Variants in PPP2R5E observed in about 807,000 individuals in gnomAD.
The protein encoded by PPP2R5E is serine/threonine-protein phosphatase 2A 56 kDa regulatory subunit epsilon isoform.
In PPP2R5E, 4 loss-of-function variants were observed where a neutral mutation model predicts 65.3. That is an observed-to-expected ratio of 0.06 (90% CI 0.03 to 0.14). The LOEUF is 0.14. PPP2R5E is among the 10% of genes least tolerant of loss of function. The pLI, the probability that PPP2R5E is intolerant of heterozygous loss-of-function variation, is 1.00. For synonymous variants in PPP2R5E, 183 were observed against 187.4 expected (o/e 0.98, Z 0.19); for missense variants, 274 against 556.1 (o/e 0.49, Z 5.10).
intron 3 of PPP2R5E, among the ~76,000 whole-genome samples, chr14:63,431,181 T>G (rs1007348068): frequency 6.6e-6 from 1 of 151,922 alleles, no homozygotes; most frequent in African/African-American, 2.4e-5. Flanking sequence ...GGCAGGAGAA[T>G]TGCTTGAACC....
chr14:63,382,915 T>TTATATA (rs59385089), intron 12 of PPP2R5E, among the ~76,000 whole-genome samples: 22 of 151,950 alleles, frequency 1.4e-4, no homozygotes, highest in East Asian at 1.4e-3. Flanking sequence ...GAAACAAATG[T>TTATATA]TATATATATA....
intron 2 of PPP2R5E, among the ~76,000 whole-genome samples, chr14:63,473,601 T>C (rs577481579): frequency 4.6e-5 from 7 of 152,322 alleles, no homozygotes; most frequent in African/African-American, 1.7e-4. Flanking sequence ...TAAATGCTAA[T>C]GAAACAACCA....
intron 3 of PPP2R5E, among the ~76,000 whole-genome samples, chr14:63,432,904 A>G (rs893734783): frequency 6.6e-6 from 1 of 152,096 alleles, no homozygotes; most frequent in African/African-American, 2.4e-5. Context: ...CCTTTCATAT[A>G]AAGTTCTAAA....
chr14:63,502,282 G>T (rs948430141), intron 2 of PPP2R5E, among the ~76,000 whole-genome samples: 1 of 152,112 alleles, frequency 6.6e-6, no homozygotes, highest in Non-Finnish European at 1.5e-5. Flanking sequence ...CCGGCCTCCT[G>T]ACACCCCTAA....
intron 4 of PPP2R5E, among the ~76,000 whole-genome samples, chr14:63,415,594 T>A (rs2139863087): frequency 6.6e-6 from 1 of 152,324 alleles, no homozygotes; most frequent in Non-Finnish European, 1.5e-5. Context: ...ATATATTATG[T>A]ATATACTTCA....
chr14:63,389,504 T>G (rs1884883522), intron 11 of PPP2R5E, 108 bp downstream of exon 11: 23 of 1,266,494 alleles, frequency 1.8e-5, no homozygotes, highest in African/African-American at 3.1e-5. Context: ...TGTGAGGGGA[T>G]AGCAAATAAA....
chr14:63,538,564 T>C (rs551326662), intron 2 of PPP2R5E, among the ~76,000 whole-genome samples: 6 of 151,358 alleles, frequency 4.0e-5, no homozygotes, highest in South Asian at 4.2e-4. Context: ...CAACCTGCAC[T>C]TTCACTCTGT....
chr14:63,490,966 G>C (rs1374234283), intron 2 of PPP2R5E, among the ~76,000 whole-genome samples: 1 of 151,656 alleles, frequency 6.6e-6, no homozygotes, highest in Non-Finnish European at 1.5e-5. Flanking sequence ...ATTCACAATA[G>C]GAAAGATATG....
intron 3 of PPP2R5E, among the ~76,000 whole-genome samples, chr14:63,433,032 G>GTTTTTTTTTTTTTTTTTTTTTTT (rs747571866): frequency 2.0e-4 from 19 of 96,450 alleles, no homozygotes; most frequent in East Asian, 3.2e-4. Context: ...GTTTTGTTTT[G>GTTTTTTTTTTTTTTTTTTTTTTT]TTTTTTTTTT....
chr14:63,501,716 G>C (rs1184225257), intron 2 of PPP2R5E, among the ~76,000 whole-genome samples: 7 of 152,044 alleles, frequency 4.6e-5, no homozygotes. Flanking sequence ...TATAGTACGT[G>C]AATTATGTCT....
chr14:63,523,470 C>T (rs1047293603), intron 2 of PPP2R5E, among the ~76,000 whole-genome samples: 2 of 152,032 alleles, frequency 1.3e-5, no homozygotes, highest in Admixed American at 6.5e-5. Flanking sequence ...GGATTAAGGG[C>T]GGTGCAAGAT....
chr14:63,503,017 A>G (rs968801778), intron 2 of PPP2R5E, among the ~76,000 whole-genome samples: 11 of 152,222 alleles, frequency 7.2e-5, no homozygotes, highest in Admixed American at 2.6e-4. Flanking sequence ...TGCACTGCAC[A>G]ACCTCTGAAG....
At position 63,374,684 on chromosome 14, in the gene PPP2R5E, ATTTTGTTTT is replaced by A. The variant is rs1397530314; in HGVS notation, c.*1316_*1324del. 1.6e-5 allele frequency: 2 copies of A among 122,550 alleles called. No individual in the cohort carries two copies. Among genetic ancestry groups the A allele is most frequent in the East Asian group, 2.8e-4 (1 of 3,582 alleles). The allele number at this position is 122,550 out of a possible 1,614,324, so 7.6% of individuals were successfully genotyped here. On this transcript the variant is annotated 3_prime_UTR_variant, in exon 14 of 14. Coordinates refer to ENST00000337537, the MANE Select transcript of PPP2R5E (RefSeq NM_006246.5). ...ATATATATATAAAATACAGCCCTAGATTTTGTTTTTTTTGTTTTTTTTTCTTAAACAATT... is the reference window on the plus strand; with the variant it reads ...ATATATATATAAAATACAGCCCTAGATTTTGTTTTTTTTTCTTAAACAATT...
At chr14:63,532,235 TAGG>T (rs1160666956) in intron 2 of PPP2R5E, among the ~76,000 whole-genome samples, 1 of 152,136 alleles carries the variant, frequency 6.6e-6, no homozygotes, top group African/African-American at 2.4e-5. Context: ...GAAGGGAAAC[TAGG>T]AGAAGGGATG....
At chr14:63,478,023 A>G (rs1890492481) in intron 2 of PPP2R5E, among the ~76,000 whole-genome samples, 1 of 152,138 alleles carries the variant, frequency 6.6e-6, no homozygotes, top group Admixed American at 6.5e-5. Context: ...TTCTACTTCA[A>G]ATGGGGAAAT....
chr14:63,530,630 CTTTTTTTTTT>C (rs954359159), intron 2 of PPP2R5E, among the ~76,000 whole-genome samples: 3 of 81,296 alleles, frequency 3.7e-5, no homozygotes, highest in African/African-American at 1.0e-4. Flanking sequence ...CTCTCAATTT[CTTTTTTTTTT>C]TTTTTTTTTT....
At chr14:63,389,547 T>A (rs763951053) in intron 11 of PPP2R5E, 65 bp downstream of exon 11, 351 of 1,506,024 alleles carry the variant, frequency 2.3e-4, no homozygotes, top group Non-Finnish European at 2.3e-4. Flanking sequence ...ACATTGCTTT[T>A]GAAACAAATA....
At chr14:63,525,594 C>G (rs370196693) in intron 2 of PPP2R5E, among the ~76,000 whole-genome samples, 2 of 152,170 alleles carry the variant, frequency 1.3e-5, no homozygotes, top group South Asian at 4.1e-4. Flanking sequence ...CTTTGAGAAT[C>G]TGATGAAAGC....
intron 2 of PPP2R5E, among the ~76,000 whole-genome samples, chr14:63,536,210 A>C (rs1893663295): frequency 6.6e-6 from 1 of 152,228 alleles, no homozygotes; most frequent in Non-Finnish European, 1.5e-5. Flanking sequence ...GAAAACTGGC[A>C]ACACTAGCAG....
Sources: gnomAD v4.1 joint callset for allele counts (sites outside exome capture counted in the v4.1 genomes callset) on GRCh38, gnomAD v4.1.1 for gene constraint, MANE v1.5 for transcripts, NCBI Gene and HGNC (gene_info 2026-07-23, HGNC 2026-07-21) for gene names.